Variants in ZNF407 observed in about 807,000 individuals in gnomAD.
ZNF407 encodes zinc finger protein 407.
ZNF407 carries 17 observed loss-of-function variants against 131.2 expected under a neutral mutation model. The ratio of observed to expected loss-of-function variants is 0.13; its 90% CI spans 0.09 to 0.19. The LOEUF (loss-of-function observed/expected upper bound fraction) is 0.19, where lower values mean the gene tolerates loss of function less well. Among genes scored for constraint, ZNF407 ranks in the 10% least tolerant of loss-of-function variants. The pLI is 1.00. For missense variants in ZNF407, 2,681 were observed against 2,830.6 expected (o/e 0.95, Z 1.20); for synonymous variants, 1,156 against 1,062.0 (o/e 1.09, Z -1.72).
At chr18:74,605,896 C>G (rs931068255) in intron 1 of ZNF407, among the ~76,000 whole-genome samples, 3 of 152,238 alleles carry the variant, frequency 2.0e-5, no homozygotes, top group African/African-American at 7.2e-5. Flanking sequence ...CAAGGAGATT[C>G]TAGTTCCTGG....
intron 4 of ZNF407, among the ~76,000 whole-genome samples, chr18:74,808,932 G>A (rs1286976259): frequency 6.6e-6 from 1 of 151,920 alleles, no homozygotes; most frequent in Non-Finnish European, 1.5e-5. Flanking sequence ...TGGTCTGTGG[G>A]GAATAAATGT....
chr18:74,990,805 G>A (rs1239202003), intron 8 of ZNF407, among the ~76,000 whole-genome samples: 2 of 152,204 alleles, frequency 1.3e-5, no homozygotes, highest in Non-Finnish European at 2.9e-5. Context: ...TTTGCGAAAT[G>A]TGAAATTGCC....
intron 4 of ZNF407, among the ~76,000 whole-genome samples, chr18:74,791,089 A>G (rs1183132633): frequency 6.6e-6 from 1 of 152,170 alleles, no homozygotes; most frequent in Non-Finnish European, 1.5e-5. Flanking sequence ...CATAGGAGAA[A>G]ACAAGCAGAT....
At chr18:74,926,552 C>T (rs1343064223) in intron 8 of ZNF407, among the ~76,000 whole-genome samples, 1 of 152,122 alleles carries the variant, frequency 6.6e-6, no homozygotes, top group African/African-American at 2.4e-5. Context: ...GCCTGTAATC[C>T]CAGCACGTTG....
intron 8 of ZNF407, among the ~76,000 whole-genome samples, chr18:75,022,919 C>T (rs981951860): frequency 1.3e-5 from 2 of 152,112 alleles, no homozygotes; most frequent in East Asian, 3.9e-4. Context: ...AGCAAAGACA[C>T]GGAGTTGACC....
intron 3 of ZNF407, among the ~76,000 whole-genome samples, chr18:74,668,206 C>T (rs560862716): frequency 1.3e-5 from 2 of 152,170 alleles, no homozygotes; most frequent in African/African-American, 2.4e-5. Context: ...AACTTTGTTT[C>T]GTGCCCAAAT....
At chr18:74,981,992 C>G (rs1277300610) in intron 8 of ZNF407, among the ~76,000 whole-genome samples, 7 of 152,172 alleles carry the variant, frequency 4.6e-5, no homozygotes. Flanking sequence ...ATTCAGCACA[C>G]AGCCAATAAT....
intron 3 of ZNF407, among the ~76,000 whole-genome samples, chr18:74,680,119 G>A (rs965464789): frequency 6.6e-6 from 1 of 152,142 alleles, no homozygotes; most frequent in African/African-American, 2.4e-5. Flanking sequence ...AGGCTGGGGT[G>A]GTGGCTAACA....
chr18:74,694,713 C>T (rs1230620466), intron 3 of ZNF407, among the ~76,000 whole-genome samples: 1 of 152,136 alleles, frequency 6.6e-6, no homozygotes, highest in Non-Finnish European at 1.5e-5. Flanking sequence ...ATCTTCTTCT[C>T]GTCCTATTCT....
At chr18:74,880,749 C>T (rs559204811) in intron 5 of ZNF407, among the ~76,000 whole-genome samples, 2 of 152,286 alleles carry the variant, frequency 1.3e-5, no homozygotes, top group Admixed American at 6.5e-5. Context: ...TGTTCAAGTG[C>T]ATAAAGCAGC....
chr18:74,871,564 T>A (rs1484631403), intron 4 of ZNF407, among the ~76,000 whole-genome samples: 3 of 152,160 alleles, frequency 2.0e-5, no homozygotes, highest in Non-Finnish European at 2.9e-5. Context: ...AATCAACACA[T>A]TTTTGTCACA....
chr18:74,967,865 T>C (rs1299489813), intron 8 of ZNF407, among the ~76,000 whole-genome samples: 1 of 152,232 alleles, frequency 6.6e-6, no homozygotes, highest in Non-Finnish European at 1.5e-5. Flanking sequence ...TAATTTGGTA[T>C]TCTTTCCACT....
At chr18:74,855,178 C>G (rs917889581) in intron 4 of ZNF407, among the ~76,000 whole-genome samples, 3 of 152,156 alleles carry the variant, frequency 2.0e-5, no homozygotes, top group African/African-American at 7.2e-5. Flanking sequence ...CATTTGCAAA[C>G]CATCAGATCT....
At chr18:75,011,404 A>G (rs552910782) in intron 8 of ZNF407, among the ~76,000 whole-genome samples, 55 of 152,304 alleles carry the variant, frequency 3.6e-4, no homozygotes, top group African/African-American at 1.3e-3. Flanking sequence ...CATCTGAATA[A>G]CTGTATAACA....
chr18:74,957,923 T>A (rs1972295147), intron 8 of ZNF407, among the ~76,000 whole-genome samples: 1 of 152,216 alleles, frequency 6.6e-6, no homozygotes, highest in Non-Finnish European at 1.5e-5. Flanking sequence ...GAGTTTAGAA[T>A]GCCTTTCCCA....
At chr18:74,858,023 T>C (rs1026173155) in intron 4 of ZNF407, among the ~76,000 whole-genome samples, 1 of 143,980 alleles carries the variant, frequency 6.9e-6, no homozygotes, top group African/African-American at 2.6e-5. Context: ...TTCCCTTCCT[T>C]CCCTCCCACC....
At chr18:74,749,485 G>A (rs1442812632) in intron 3 of ZNF407, among the ~76,000 whole-genome samples, 1 of 152,114 alleles carries the variant, frequency 6.6e-6, no homozygotes, top group Middle Eastern at 3.2e-3. Flanking sequence ...TTTTAACTAT[G>A]TAGATGATCA....
chr18:74,759,226 T>C (rs1373255379), intron 3 of ZNF407, among the ~76,000 whole-genome samples: 2 of 152,210 alleles, frequency 1.3e-5, no homozygotes, highest in African/African-American at 4.8e-5. Flanking sequence ...TTGTGCATAC[T>C]TTGTAATGGA....
chr18:74,921,234 T>A (rs1267930364), intron 8 of ZNF407, among the ~76,000 whole-genome samples: 2 of 152,132 alleles, frequency 1.3e-5, no homozygotes, highest in East Asian at 3.9e-4. Context: ...GAGCGGCTGC[T>A]AAGAGGATTC....
Sources: gnomAD v4.1 joint callset for allele counts (sites outside exome capture counted in the v4.1 genomes callset) on GRCh38, gnomAD v4.1.1 for gene constraint, MANE v1.5 for transcripts, NCBI Gene and HGNC (gene_info 2026-07-23, HGNC 2026-07-21) for gene names.